The following ADGRE1 variants were observed in gnomAD, a reference collection of about 807,000 sequenced individuals.
The protein encoded by ADGRE1 is EGF-like module receptor 1.
Under a neutral mutation model 102.7 loss-of-function variants are expected in ADGRE1, and 82 were observed. That is an observed-to-expected ratio of 0.80 (90% CI 0.67 to 0.96). The LOEUF is 0.96. ADGRE1 is among the 40% of genes least tolerant of loss of function. ADGRE1 has a pLI of 0.00. For missense variants in ADGRE1, 1,032 were observed against 1,085.3 expected, an observed-to-expected ratio of 0.95 and a Z score of 0.69; for synonymous variants, 398 against 399.6, an observed-to-expected ratio of 1.00 and a Z score of 0.05.
At position 6,907,229 on chromosome 19, in the gene ADGRE1, G is replaced by A. The variant is rs189928119; in HGVS notation, c.1038+708G>A. 1.5e-4 allele frequency among the ~76,000 whole-genome samples: 23 copies of A among 152,226 alleles called. No individual in the cohort carries two copies. The East Asian group carries it at 2.7e-3, about 18-fold the overall frequency. ...ACTGTTTTTCTTTTTTAATTGTGGT[G>A]AGGTACACATAACATAAAATTCACC... On this transcript the variant is annotated intron_variant, in intron 9 of 20. Coordinates refer to ENST00000312053, the MANE Select transcript of ADGRE1 (RefSeq NM_001974.5).
At chr19:6,893,045 G>T (rs1015191664) in intron 2 of ADGRE1, among the ~76,000 whole-genome samples, 17 of 152,052 alleles carry the variant, frequency 1.1e-4, no homozygotes, top group Non-Finnish European at 2.4e-4. Context: ...ATTAGATAAT[G>T]ATGATGATGA....
At chr19:6,920,382 G>C (rs1974602342) in intron 13 of ADGRE1, among the ~76,000 whole-genome samples, 1 of 151,448 alleles carries the variant, frequency 6.6e-6, no homozygotes, top group African/African-American at 2.4e-5. Flanking sequence ...ACCATGACCG[G>C]CTAATTTTTT....
chr19:6,938,238 G>A (rs1042448518), intron 20 of ADGRE1, among the ~76,000 whole-genome samples: 1 of 152,082 alleles, frequency 6.6e-6, no homozygotes, highest in African/African-American at 2.4e-5. Flanking sequence ...TCATGAGGCT[G>A]AGGCAGGAGA....
chr19:6,888,379 C>T (rs906171582), intron 1 of ADGRE1, among the ~76,000 whole-genome samples: 11 of 152,182 alleles, frequency 7.2e-5, no homozygotes, highest in South Asian at 2.1e-4. Context: ...CCTTCCTGTG[C>T]TCTTATTTCT....
At position 6,915,910 on chromosome 19, in the gene ADGRE1, G is replaced by A. The variant is rs183466959; in HGVS notation, c.1301-339G>A. ...CACACCAGCCTAAGTGACAGAGTGA[G>A]ACTCCGTCTCAAAAAAAAAAAAAAA... On this transcript the variant is annotated intron_variant, in intron 11 of 20. Coordinates refer to ENST00000312053, the MANE Select transcript of ADGRE1 (RefSeq NM_001974.5). 1.3e-3 allele frequency among the ~76,000 whole-genome samples: 132 copies of A among 104,382 alleles called. No individual in the cohort carries two copies. The Middle Eastern group carries it at 0.045, about 35-fold the overall frequency. 68.5% of individuals were successfully genotyped at this position (104,382 alleles called of 152,430 possible).
intron 10 of ADGRE1, among the ~76,000 whole-genome samples, chr19:6,910,169 T>A (rs997117440): frequency 9.9e-5 from 15 of 152,122 alleles, no homozygotes; most frequent in Non-Finnish European, 1.5e-4. Flanking sequence ...AATACATTTA[T>A]TTTTATTCAT....
At chr19:6,924,965 T>C (rs1347034381) in intron 15 of ADGRE1, 93 bp downstream of exon 15, 1 of 1,331,888 alleles carries the variant, frequency 7.5e-7, no homozygotes, top group African/African-American at 1.4e-5. Context: ...TCCCTGTTCC[T>C]ACCTCAGGGC....
chr19:6,922,584 C>T (rs538975880), intron 14 of ADGRE1, among the ~76,000 whole-genome samples: 18 of 150,408 alleles, frequency 1.2e-4, no homozygotes, highest in Non-Finnish European at 2.2e-4. Context: ...CACTGCATTC[C>T]AGCCTGGCAA....
chr19:6,888,039 T>TAA (rs1380023364), intron 1 of ADGRE1, among the ~76,000 whole-genome samples: 13 of 152,186 alleles, frequency 8.5e-5, no homozygotes, highest in Admixed American at 2.0e-4. Flanking sequence ...GTGTATCCAA[T>TAA]TGTCACAACA....
intron 16 of ADGRE1, 128 bp downstream of exon 16, chr19:6,926,729 T>C (rs1974928149): frequency 2.1e-6 from 2 of 932,172 alleles, no homozygotes; most frequent in East Asian, 2.6e-5. Flanking sequence ...TCTTCTATTA[T>C]GTACTATTGG....
chr19:6,911,069 C>T (rs1555714396), intron 10 of ADGRE1, among the ~76,000 whole-genome samples: 1 of 152,068 alleles, frequency 6.6e-6, no homozygotes, highest in Non-Finnish European at 1.5e-5. Context: ...TGCCAGTTGT[C>T]GAACTGAGTA....
chr19:6,889,646 G>T (rs779066603), intron 1 of ADGRE1, among the ~76,000 whole-genome samples: 1 of 130,364 alleles, frequency 7.7e-6, no homozygotes, highest in East Asian at 2.2e-4. Context: ...CCTAGATCAC[G>T]CTACTGCACT....
In ADGRE1 at chr19:6,903,864, C is replaced by T. The variant is rs2144913990; in HGVS notation, c.716C>T (p.Pro239Leu). 3 of 1,614,200 alleles carry T rather than the reference C, an allele frequency of 1.9e-6. No individual in the cohort carries two copies. The highest frequency in any genetic ancestry group is 2.2e-5 in the South Asian group (2 of 91,086). ...CPINSTCTNT[P>L]GSYFCTCHPG... Reference sequence around the variant, plus strand: ...ATCAATTCAACATGCACCAACACTCCTGGGAGCTACTTTTGCACCTGCCAC... The same window carrying T: ...ATCAATTCAACATGCACCAACACTCTTGGGAGCTACTTTTGCACCTGCCAC... Residue 239 changes from proline (P) to leucine (L), a missense_variant, in exon 7 of 21, where the codon CCT becomes CTT. Pro to Leu is a moderately conservative substitution (Grantham distance 98, BLOSUM62 -3). Transcript: ENST00000312053.
chr19:6,900,509 G>GGAAA (rs1973727537), intron 5 of ADGRE1, among the ~76,000 whole-genome samples: 1 of 152,082 alleles, frequency 6.6e-6, no homozygotes, highest in African/African-American at 2.4e-5. Context: ...AAATAAATAT[G>GGAAA]TGTTGAATTC....
chr19:6,922,604 ACT>A (rs1286948122), intron 14 of ADGRE1, among the ~76,000 whole-genome samples: 14 of 130,852 alleles, frequency 1.1e-4, no homozygotes, highest in Non-Finnish European at 2.1e-4. Flanking sequence ...ACAGAGTGAG[ACT>A]CTGTCTCACA....
intron 2 of ADGRE1, 28 bp downstream of exon 2, chr19:6,890,571 C>A: frequency 1.9e-6 from 3 of 1,606,546 alleles, no homozygotes; most frequent in Non-Finnish European, 2.5e-6. Flanking sequence ...AATGCAGATG[C>A]CTGAAGGGGT....
chr19:6,895,191 C>A (rs1404759431), intron 2 of ADGRE1: 3 of 152,218 alleles, frequency 2.0e-5, no homozygotes, highest in African/African-American at 7.2e-5. Flanking sequence ...GTCCATCTTC[C>A]AGCCCATGTG....
chr19:6,908,960 C>A (rs1022458818), intron 10 of ADGRE1, among the ~76,000 whole-genome samples, 188 bp downstream of exon 10: 5 of 151,652 alleles, frequency 3.3e-5, no homozygotes, highest in African/African-American at 1.2e-4. Context: ...ATGATGAAAC[C>A]CTGTCTCTAC....
At chr19:6,913,039 A>G (rs1340002291) in intron 10 of ADGRE1, among the ~76,000 whole-genome samples, 1 of 152,040 alleles carries the variant, frequency 6.6e-6, no homozygotes, top group Non-Finnish European at 1.5e-5. Flanking sequence ...GGCTCAAGAG[A>G]TCCTCCCACT....
Sources: gnomAD v4.1 joint callset for allele counts (sites outside exome capture counted in the v4.1 genomes callset) on GRCh38, gnomAD v4.1.1 for gene constraint, MANE v1.5 for transcripts, NCBI Gene and HGNC (gene_info 2026-07-23, HGNC 2026-07-21) for gene names.